The following BCL2 variants were observed in gnomAD, a reference collection of about 807,000 sequenced individuals.
BCL2 encodes the protein apoptosis regulator Bcl-2.
Under a neutral mutation model 14.2 loss-of-function variants are expected in BCL2, and 1 was observed. That is an observed-to-expected ratio of 0.07 (90% CI 0.02 to 0.33). The LOEUF (loss-of-function observed/expected upper bound fraction) is 0.33, where lower values mean the gene tolerates loss of function less well. BCL2 is among the 10% of genes least tolerant of loss of function. The pLI is 0.99. For synonymous variants in BCL2, 151 were observed against 137.2 expected (o/e 1.10, Z -0.70); for missense variants, 247 against 305.9 (o/e 0.81, Z 1.44).
chr18:63,208,040 A>G (rs1909889411), intron 2 of BCL2: 1 of 152,228 alleles, frequency 6.6e-6, no homozygotes, highest in African/African-American at 2.4e-5. Flanking sequence ...TCCTGGTCCT[A>G]CCACCTGGCG....
At chr18:63,256,268 G>A (rs1404452558) in intron 2 of BCL2, among the ~76,000 whole-genome samples, 2 of 152,180 alleles carry the variant, frequency 1.3e-5, no homozygotes, top group African/African-American at 4.8e-5. Flanking sequence ...CCAGGCTCAA[G>A]TACAGTGGTG....
chr18:63,205,373 C>A (rs909442946), intron 2 of BCL2, among the ~76,000 whole-genome samples: 1 of 152,198 alleles, frequency 6.6e-6, no homozygotes, highest in African/African-American at 2.4e-5. Context: ...TCTTGCCGGG[C>A]ACAGAAGAAA....
At chr18:63,172,416 A>T (rs556169282) in intron 2 of BCL2, among the ~76,000 whole-genome samples, 1 of 152,114 alleles carries the variant, frequency 6.6e-6, no homozygotes, top group Non-Finnish European at 1.5e-5. Context: ...TCATCAGAAT[A>T]TTATTATTTT....
chr18:63,208,164 T>G (rs1360607151), intron 2 of BCL2: 1 of 152,216 alleles, frequency 6.6e-6, no homozygotes. Context: ...AGTGAACATT[T>G]CCTATTTCTG....
At chr18:63,181,810 C>T (rs1295814818) in intron 2 of BCL2, among the ~76,000 whole-genome samples, 4 of 152,180 alleles carry the variant, frequency 2.6e-5, no homozygotes, top group South Asian at 2.1e-4. Flanking sequence ...TGGAAATCCA[C>T]GGCTAGGAAG....
At position 63,124,388 on chromosome 18, in the gene BCL2, C is replaced by T. The variant is rs1022420675; in HGVS notation, c.*4237G>A. The T allele has an allele frequency of 8.7e-6, 2 of 231,140 alleles. No individual in the cohort carries two copies. Among genetic ancestry groups the T allele is most frequent in the African/African-American group, 2.2e-5 (1 of 45,230 alleles). 14.3% of individuals were successfully genotyped at this position (231,140 alleles called of 1,614,324 possible). A position where few individuals can be genotyped will look rare whatever the true frequency, so the allele number is the denominator to read the frequency against. On this transcript the variant is annotated 3_prime_UTR_variant, in exon 3 of 3. Transcript: ENST00000333681. ...AAATTTATACCATTGCACTGCCAAA[C>T]GGAGCTGCACTTTGAGCCATGCTGA... is the stretch of plus-strand genomic sequence containing the variant.
intron 2 of BCL2, among the ~76,000 whole-genome samples, chr18:63,298,600 G>A (rs1912865897): frequency 6.6e-6 from 1 of 152,164 alleles, no homozygotes; most frequent in Non-Finnish European, 1.5e-5. Context: ...AAGGACAAAG[G>A]TGGAAGGAAA....
rs149411861 is a variant in BCL2, at chr18:63,163,074, C to T, written c.586-34315G>A. ...TTGCCAAGGTTGGTCTTGAACTCCT[C>T]GGTTCAAGTCATTGGTCCACCTCGG... is the stretch of plus-strand genomic sequence containing the variant. On this transcript the variant is annotated intron_variant, in intron 2 of 2. Transcript: ENST00000333681. Among the ~76,000 whole-genome samples the T allele has an allele frequency of 5.9e-5, 9 of 152,226 alleles. No homozygotes were observed. The East Asian group carries it at 7.7e-4, about 13-fold the overall frequency.
At chr18:63,151,757 C>T (rs1350400992) in intron 2 of BCL2, among the ~76,000 whole-genome samples, 1 of 152,152 alleles carries the variant, frequency 6.6e-6, no homozygotes, top group East Asian at 1.9e-4. Flanking sequence ...CGATGTGAGT[C>T]CCTTAGAGAT....
At position 63,318,897 on chromosome 18, in the gene BCL2, T is replaced by C. The variant is rs1913602096; in HGVS notation, c.-231A>G. The C allele has an allele frequency of 4.2e-6, 6 of 1,412,538 alleles. No individual in the cohort carries two copies. Among genetic ancestry groups the C allele is most frequent in the Non-Finnish European group, 5.6e-6 (6 of 1,079,936 alleles). 87.5% of individuals were successfully genotyped at this position (1,412,538 alleles called of 1,614,324 possible). On this transcript the variant is annotated 5_prime_UTR_variant, in exon 2 of 3. An upstream start codon of the reference 5' UTR is lost. Coordinates refer to ENST00000333681, the MANE Select transcript of BCL2 (RefSeq NM_000633.3). The surrounding 1 kb of genome is among the most constrained non-coding windows in gnomAD (Gnocchi z 7.4). ...CAATTCCTTTCGGATCTTTATTTCA[T>C]GAGGCACGTTATTATTAGTAAGTAT...
intron 2 of BCL2, among the ~76,000 whole-genome samples, chr18:63,211,785 A>G (rs1190995129): frequency 6.6e-6 from 1 of 152,248 alleles, no homozygotes; most frequent in African/African-American, 2.4e-5. Context: ...AGCTAACGCC[A>G]GTGCAGAGGA....
intron 2 of BCL2, among the ~76,000 whole-genome samples, chr18:63,232,738 T>C (rs968435264): frequency 3.3e-5 from 5 of 152,236 alleles, no homozygotes; most frequent in Admixed American, 2.0e-4. Context: ...CTTTATGATG[T>C]TTGTACCCCA....
At chr18:63,198,830 TACACA>T (rs1568231541) in intron 2 of BCL2, among the ~76,000 whole-genome samples, 44 of 4,950 alleles carry the variant, frequency 8.9e-3, no homozygotes, top group South Asian at 0.038. Context: ...CACACAGACA[TACACA>T]GACACACATA....
At chr18:63,276,974 T>TCA (rs1912171885) in intron 2 of BCL2, among the ~76,000 whole-genome samples, 1 of 152,188 alleles carries the variant, frequency 6.6e-6, no homozygotes, top group Admixed American at 6.5e-5. Flanking sequence ...TAAATATCTA[T>TCA]CATAAGAAGT....
intron 2 of BCL2, among the ~76,000 whole-genome samples, chr18:63,158,091 A>G (rs1914828844): frequency 6.6e-6 from 1 of 152,000 alleles, no homozygotes; most frequent in Non-Finnish European, 1.5e-5. Flanking sequence ...GAACCCTGGG[A>G]TTCATTTGAT....
At position 63,318,616 on chromosome 18, in the gene BCL2, C is replaced by A. The variant is rs565741123; in HGVS notation, c.51G>T (p.Lys17Asn). The stretch of plus-strand genomic sequence containing the variant: ...TCTGCGACAGCTTATAATGGATGTA[C>A]TTCATCACTATCTCCCGGTTATCGT... ...TGYDNREIVM[K>N]YIHYKLSQRG... Residue 17 changes from lysine to asparagine, a missense_variant, in exon 2 of 3, where the codon AAG becomes AAT. This residue lies in a region of BCL2 where 144 missense variants were observed against 135.3 expected (regional missense o/e 1.06). Coordinates refer to ENST00000333681, the MANE Select transcript of BCL2 (RefSeq NM_000633.3). This position sits in a 1 kb window ranked among gnomAD's most constrained non-coding sequence, Gnocchi z 7.4. 1.9e-6 allele frequency: 3 copies of A among 1,613,198 alleles called. No homozygotes were observed. The Admixed American group carries it at 5.0e-5, about 27-fold the overall frequency.
intron 2 of BCL2, chr18:63,317,445 C>T: frequency 1.4e-6 from 1 of 725,712 alleles, no homozygotes; most frequent in Non-Finnish European, 1.7e-6. Flanking sequence ...ACATGGCACA[C>T]ACTGGAGATT....
intron 2 of BCL2, among the ~76,000 whole-genome samples, chr18:63,183,995 C>A (rs1915535993): frequency 6.6e-6 from 1 of 152,194 alleles, no homozygotes; most frequent in African/African-American, 2.4e-5. Context: ...ACCACAGTGG[C>A]ACAGACGCAT....
chr18:63,265,111 A>G (rs1260533853), intron 2 of BCL2, among the ~76,000 whole-genome samples: 3 of 152,214 alleles, frequency 2.0e-5, no homozygotes, highest in Non-Finnish European at 2.9e-5. Flanking sequence ...TCTGTCGCCA[A>G]TCAAAATAAA....
Sources: gnomAD v4.1 joint callset for allele counts (sites outside exome capture counted in the v4.1 genomes callset) on GRCh38, gnomAD v4.1.1 for gene constraint, gnomAD v4.1.1 regional missense constraint, Gnocchi (gnomAD v3.1) non-coding constraint, MANE v1.5 for transcripts, NCBI Gene and HGNC (gene_info 2026-07-23, HGNC 2026-07-21) for gene names.